FOXH1: variants seen among roughly 807,000 people sequenced by gnomAD.
The protein encoded by FOXH1 is forkhead box protein H1.
Under a neutral mutation model 14.2 loss-of-function variants are expected in FOXH1, and 10 were observed. The observed-to-expected ratio is 0.70, with a 90% CI of 0.43 to 1.19. The LOEUF (loss-of-function observed/expected upper bound fraction) is 1.19, where lower values mean the gene tolerates loss of function less well. Ranked by LOEUF, FOXH1 falls within the 50% of genes most tolerant of loss-of-function variation. FOXH1 has a pLI of 0.00. For missense variants in FOXH1, 643 were observed against 492.1 expected, an observed-to-expected ratio of 1.31 and a Z score of -2.90; for synonymous variants, 273 against 209.5, an observed-to-expected ratio of 1.30 and a Z score of -2.62.
At position 144,474,401 on chromosome 8, in the gene FOXH1, C is replaced by T; in HGVS notation, c.935G>A (p.Gly312Glu). The change falls in exon 3 of 3, where the codon GGG (glycine) becomes GAG (glutamate). Residue 312 changes from glycine (G) to glutamate (E), a missense_variant. By Grantham distance (98) the Gly-to-Glu change is moderately conservative. Transcript: ENST00000377317. The part of the protein sequence containing the change: ...QCPSTSPAYW[G>E]VAPETRGPPG... ...GGGCCCTCGGGTTTCAGGGGCCACC[C>T]CCCAGTAGGCAGGGCTGGTTGACGG... is the stretch of plus-strand genomic sequence containing the variant. The T allele has an allele frequency of 1.9e-6, 3 of 1,613,248 alleles. No individual in the cohort carries two copies. Among genetic ancestry groups the T allele is most frequent in the Middle Eastern group, 1.7e-4 (1 of 6,056 alleles).
At position 144,474,648 on chromosome 8, in the gene FOXH1, C is replaced by A; in HGVS notation, c.688G>T (p.Gly230Trp). 6.4e-7 allele frequency: 1 copy of A among 1,563,890 alleles called. No homozygotes were observed. The highest frequency in any genetic ancestry group is 2.3e-5 in the East Asian group (1 of 43,598). ...CPLPGPTRVE[G>W]ETVQGGAIGP... ...ATGGCTCCCCCCTGCACAGTCTCCC[C>A]CTCCACTCTCGTGGGGCCAGGAAGG... The change falls in exon 3 of 3, where the codon GGG becomes TGG. Residue 230 changes from glycine to tryptophan, a missense_variant. Transcript: ENST00000377317.
chr8:144,473,501 G>A lies in FOXH1; in HGVS notation c.*737C>T. 1 of 1,417,264 alleles carries A rather than the reference G, an allele frequency of 7.1e-7. No individual in the cohort carries two copies. The highest frequency in any genetic ancestry group is 9.2e-7 in the Non-Finnish European group (1 of 1,084,974). 87.8% of individuals were successfully genotyped at this position (1,417,264 alleles called of 1,614,324 possible). Reference sequence around the variant, plus strand: ...GGGCACAAGCTCCCTAGCCTCTTTGGATCCATTGCCCCTGAGCTCCCAGAG... The same window carrying A: ...GGGCACAAGCTCCCTAGCCTCTTTGAATCCATTGCCCCTGAGCTCCCAGAG... On this transcript the variant is annotated 3_prime_UTR_variant, in exon 3 of 3. Transcript: ENST00000377317.
chr8:144,475,669 GCA>G lies in FOXH1; in HGVS notation c.86_87del (p.Leu29ProfsTer3). The G allele has an allele frequency of 7.0e-7, 1 of 1,424,254 alleles. No homozygotes were observed. Among genetic ancestry groups the G allele is most frequent in the Non-Finnish European group, 9.2e-7 (1 of 1,086,826 alleles). The allele number at this position is 1,424,254 out of a possible 1,614,324, so 88.2% of individuals were successfully genotyped here. The part of the protein sequence containing the change: ...QPPKRRKKRY[L>X]RHDKPPYTYL... The stretch of plus-strand genomic sequence containing the variant: ...TAGGTGTAGGGGGGCTTGTCATGTC[GCA>G]GGTACCTCTTCTTCCTCCTCTTAGG... On this transcript the variant is annotated frameshift_variant, in exon 1 of 3. Transcript: ENST00000377317. LOFTEE classifies it high-confidence loss of function.
chr8:144,474,652 C>G lies in FOXH1; in HGVS notation c.684G>C (p.Val228=). The G allele has an allele frequency of 6.4e-7, 1 of 1,561,876 alleles. No homozygotes were observed. The stretch of plus-strand genomic sequence containing the variant: ...CTCCCCCCTGCACAGTCTCCCCCTC[C>G]ACTCTCGTGGGGCCAGGAAGGGGGC... ...PLCPLPGPTR[V]EGETVQGGAI... The change falls in exon 3 of 3, where the codon GTG becomes GTC. Residue 228 remains valine (V), a synonymous_variant. Transcript: ENST00000377317.
Position 144,473,724 on chromosome 8 carries a change from G to A in FOXH1, c.*514C>T. On this transcript the variant is annotated 3_prime_UTR_variant, in exon 3 of 3. Coordinates refer to ENST00000377317, the MANE Select transcript of FOXH1 (RefSeq NM_003923.3). ...TCACCACTCCTGACCCAAAAATCAG[G>A]CATGGCATTAAAACGTTGCAAATTC... 1 of 457,522 alleles carries A rather than the reference G, an allele frequency of 2.2e-6. No individual in the cohort carries two copies. The highest frequency in any genetic ancestry group is 3.8e-6 in the Non-Finnish European group (1 of 261,012). The allele number at this position is 457,522 out of a possible 1,614,324, so 28.3% of individuals were successfully genotyped here.
Position 144,474,525 on chromosome 8 carries a change from C to T in FOXH1, c.811G>A (p.Ala271Thr). 5 of 1,611,116 alleles carry T rather than the reference C, an allele frequency of 3.1e-6. No individual in the cohort carries two copies. The highest frequency in any genetic ancestry group is 4.5e-5 in the East Asian group (2 of 44,882). The change falls in exon 3 of 3, where the codon GCC (alanine) becomes ACC (threonine). Residue 271 changes from alanine to threonine, a missense_variant. By Grantham distance (58) the Ala-to-Thr change is moderately conservative (BLOSUM62 0). Transcript: ENST00000377317. Reference protein sequence around the residue: ...PGGRSSGGHRASLWGQLPTSY... With the variant: ...PGGRSSGGHRTSLWGQLPTSY... ...GTGGGCAGCTGCCCCCAGAGGGAGG[C>T]CCTGTGTCCCCCGCTGGACCGTCCC...
chr8:144,475,274 G>A lies in FOXH1; in HGVS notation c.175-13C>T, dbSNP rs199722478. 5.0e-6 allele frequency: 8 copies of A among 1,608,496 alleles called. No homozygotes were observed. The African/African-American group carries it at 9.3e-5, about 19-fold the overall frequency. ...CCTGACGGATGATCTGAAACCGCCA[G>A]GCGGCCGGCCGGCGCCGTGAGCCCA... is the stretch of plus-strand genomic sequence containing the variant. On this transcript the variant is annotated splice_polypyrimidine_tract_variant and intron_variant, in intron 1 of 2. Coordinates refer to ENST00000377317, the MANE Select transcript of FOXH1 (RefSeq NM_003923.3).
chr8:144,474,927 G>C lies in FOXH1; in HGVS notation c.409C>G (p.Arg137Gly). 1.2e-6 allele frequency: 2 copies of C among 1,608,508 alleles called. No homozygotes were observed. The highest frequency in any genetic ancestry group is 2.2e-5 in the South Asian group (2 of 90,744). The change falls in exon 3 of 3, where the codon CGT becomes GGT. Residue 137 changes from arginine to glycine, a missense_variant. Physicochemically the swap from Arg to Gly is moderately radical, Grantham distance 125. Coordinates refer to ENST00000377317, the MANE Select transcript of FOXH1 (RefSeq NM_003923.3). ...CCCAGGTCCTTGGCGAAGGCTCCAC[G>C]CGCACCTCCGTTCTGCCAGCGCCGG... ...LCRRWQNGGARGAFAKDLGPY... is the reference protein window; with the variant it reads ...LCRRWQNGGAGGAFAKDLGPY...
At position 144,473,565 on chromosome 8, in the gene FOXH1, C is replaced by T. The variant is rs1398196179; in HGVS notation, c.*673G>A. ...TCCGCAGCCAGTGAAGTGTGTTGTG[C>T]CTGCTGAAGTGATCACCCCCCGCCC... is the stretch of plus-strand genomic sequence containing the variant. On this transcript the variant is annotated 3_prime_UTR_variant, in exon 3 of 3. Coordinates refer to ENST00000377317, the MANE Select transcript of FOXH1 (RefSeq NM_003923.3). The T allele has an allele frequency of 2.0e-6, 2 of 994,962 alleles. No individual in the cohort carries two copies. The highest frequency in any genetic ancestry group is 6.5e-5 in the Admixed American group (2 of 30,852). 61.6% of individuals were successfully genotyped at this position (994,962 alleles called of 1,614,324 possible). A position where few individuals can be genotyped will look rare whatever the true frequency, so the allele number is the denominator to read the frequency against.
intron 1 of FOXH1, 36 bp from the exon 2 acceptor site, chr8:144,475,297 C>G (rs776831147): frequency 6.4e-7 from 1 of 1,564,956 alleles, no homozygotes; most frequent in South Asian, 1.1e-5. Context: ...CGCCGTGAGC[C>G]CAGACGGGGA....
In FOXH1 at chr8:144,475,204, T is replaced by C. The variant is rs143221196; in HGVS notation, c.232A>G (p.Lys78Glu). The C allele has an allele frequency of 1.2e-6, 2 of 1,613,614 alleles. No individual in the cohort carries two copies. The highest frequency in any genetic ancestry group is 1.7e-6 in the Non-Finnish European group (2 of 1,179,900). The part of the protein sequence containing the change: ...PFFREDYEGW[K>E]DSIRHNLSSN... ...GAAAGGTTGTGGCGAATGGAGTCTT[T>C]CCAGCCCTCGTAGTCTTCCCTGAAG... The change falls in exon 2 of 3, where the codon AAA (lysine) becomes GAA (glutamate). Residue 78 changes from lysine to glutamate, a missense_variant. Physicochemically the swap from Lys to Glu is moderately conservative, Grantham distance 56. Transcript: ENST00000377317.
chr8:144,474,373 T>TG lies in FOXH1; in HGVS notation c.962dup (p.Gly322ArgfsTer128). ...GGGCGTCTAGATCGCAGAGCAGCCC[T>TG]GGGGGCCCTCGGGTTTCAGGGGCCA... On this transcript the variant is annotated frameshift_variant, in exon 3 of 3. Transcript: ENST00000377317. LOFTEE classifies it high-confidence loss of function. 1 of 1,613,140 alleles carries TG rather than the reference T, an allele frequency of 6.2e-7. No homozygotes were observed. Among genetic ancestry groups the TG allele is most frequent in the South Asian group, 1.1e-5 (1 of 91,088 alleles).
In FOXH1 at chr8:144,474,589, G is replaced by T. The variant is rs745555636; in HGVS notation, c.747C>A (p.Ala249=). 1 of 1,608,490 alleles carries T rather than the reference G, an allele frequency of 6.2e-7. No individual in the cohort carries two copies. The highest frequency in any genetic ancestry group is 1.7e-5 in the Admixed American group (1 of 59,610). Residue 249 remains alanine (A), a synonymous_variant, in exon 3 of 3, where the codon GCC becomes GCA. Coordinates refer to ENST00000377317, the MANE Select transcript of FOXH1 (RefSeq NM_003923.3). ...TGCCCTGCAGTAAGTGGAGAGGCCAGGCCCTAGGCTCTGGGGAGAGGGTTG... is the reference window on the plus strand; with the variant it reads ...TGCCCTGCAGTAAGTGGAGAGGCCATGCCCTAGGCTCTGGGGAGAGGGTTG... ...GPSTLSPEPR[A]WPLHLLQGTA...
In FOXH1 at chr8:144,474,954, A is replaced by G. The variant is rs761474460; in HGVS notation, c.382T>C (p.Cys128Arg). The G allele has an allele frequency of 1.9e-6, 3 of 1,607,840 alleles. No individual in the cohort carries two copies. The highest frequency in any genetic ancestry group is 2.5e-6 in the Non-Finnish European group (3 of 1,178,672). The change falls in exon 3 of 3, where the codon TGC becomes CGC. Residue 128 changes from cysteine to arginine, a missense_variant. By Grantham distance (180) the Cys-to-Arg change is radical. Coordinates refer to ENST00000377317, the MANE Select transcript of FOXH1 (RefSeq NM_003923.3). The stretch of plus-strand genomic sequence containing the variant: ...GCACCTCCGTTCTGCCAGCGCCGGC[A>G]CAGGGCGGTGTTCTGCAGCCGGAGC... ...EALRLQNTAL[C>R]RRWQNGGARG...
Position 144,475,613 on chromosome 8 carries a change from G to A in FOXH1, c.144C>T (p.Ala48=), listed in dbSNP as rs1194649447. 19 of 1,444,640 alleles carry A rather than the reference G, an allele frequency of 1.3e-5. No individual in the cohort carries two copies. The South Asian group carries it at 1.7e-4, about 13-fold the overall frequency. The allele number at this position is 1,444,640 out of a possible 1,614,324, so 89.5% of individuals were successfully genotyped here. A position where few individuals can be genotyped will look rare whatever the true frequency, so the allele number is the denominator to read the frequency against. Residue 48 remains alanine (A), a synonymous_variant, in exon 1 of 3, where the codon GCC becomes GCT. Coordinates refer to ENST00000377317, the MANE Select transcript of FOXH1 (RefSeq NM_003923.3). ...CCAGCTTCAGTCTGCGGGAGGGAGC[G>A]GCCTGAATCACCAAGGCGATCATGG... ...YLAMIALVIQ[A]APSRRLKLAQ...
At position 144,473,997 on chromosome 8, in the gene FOXH1, T is replaced by G. The variant is rs913282679; in HGVS notation, c.*241A>C. 5 of 566,478 alleles carry G rather than the reference T, an allele frequency of 8.8e-6. No individual in the cohort carries two copies. In the African/African-American group the frequency reaches 9.4e-5, roughly 11 times the overall value. 35.1% of individuals were successfully genotyped at this position (566,478 alleles called of 1,614,324 possible). On this transcript the variant is annotated 3_prime_UTR_variant, in exon 3 of 3. Coordinates refer to ENST00000377317, the MANE Select transcript of FOXH1 (RefSeq NM_003923.3). Reference sequence around the variant, plus strand: ...GGAAGGGCTATTCCAGGCTCAGCCCTGCTCCTGCAGCTTTGCCGCTGAGTG... The same window carrying G: ...GGAAGGGCTATTCCAGGCTCAGCCCGGCTCCTGCAGCTTTGCCGCTGAGTG...
At position 144,473,703 on chromosome 8, in the gene FOXH1, C is replaced by T. The variant is rs910030118; in HGVS notation, c.*535G>A. The T allele has an allele frequency of 1.3e-5, 6 of 478,698 alleles. No homozygotes were observed. Among genetic ancestry groups the T allele is most frequent in the Admixed American group, 3.9e-5 (1 of 25,572 alleles). The allele number at this position is 478,698 out of a possible 1,614,324, so 29.7% of individuals were successfully genotyped here. A position where few individuals can be genotyped will look rare whatever the true frequency, so the allele number is the denominator to read the frequency against. On this transcript the variant is annotated 3_prime_UTR_variant, in exon 3 of 3. Transcript: ENST00000377317. ...CCCGCCAAGTGGTTACCCAAGTCACCACTCCTGACCCAAAAATCAGGCATG... is the reference window on the plus strand; with the variant it reads ...CCCGCCAAGTGGTTACCCAAGTCACTACTCCTGACCCAAAAATCAGGCATG...
In FOXH1 at chr8:144,473,763, C is replaced by T; in HGVS notation, c.*475G>A. On this transcript the variant is annotated 3_prime_UTR_variant, in exon 3 of 3. Transcript: ENST00000377317. ...CGTTGCAAATTCCTTTACTGTTATC[C>T]CCCCCACCACCAGGACCATGTAGGG... 5.0e-6 allele frequency: 2 copies of T among 399,612 alleles called. No individual in the cohort carries two copies. The highest frequency in any genetic ancestry group is 1.0e-4 in the South Asian group (2 of 19,250). 24.8% of individuals were successfully genotyped at this position (399,612 alleles called of 1,614,324 possible).
Position 144,474,936 on chromosome 8 carries a change from C to G in FOXH1, c.400G>C (p.Gly134Arg), listed in dbSNP as rs1164906946. The G allele has an allele frequency of 6.2e-7, 1 of 1,608,348 alleles. No individual in the cohort carries two copies. Among genetic ancestry groups the G allele is most frequent in the Non-Finnish European group, 8.5e-7 (1 of 1,179,038 alleles). Residue 134 changes from glycine to arginine, a missense_variant, in exon 3 of 3, where the codon GGA (glycine) becomes CGA (arginine). Transcript: ENST00000377317. ...TTGGCGAAGGCTCCACGCGCACCTC[C>G]GTTCTGCCAGCGCCGGCACAGGGCG... Reference protein sequence around the residue: ...NTALCRRWQNGGARGAFAKDL... With the variant: ...NTALCRRWQNRGARGAFAKDL...
Sources: allele counts gnomAD v4.1 joint callset, GRCh38; gene constraint gnomAD v4.1.1; transcripts MANE v1.5; gene names NCBI Gene and HGNC (gene_info 2026-07-23, HGNC 2026-07-21).